Variants in CFAP57 observed in about 807,000 individuals in gnomAD.
CFAP57 encodes cilia- and flagella-associated protein 57.
In CFAP57, 116 loss-of-function variants were observed where a neutral mutation model predicts 146.8. The observed-to-expected ratio is 0.79, with a 90% CI of 0.68 to 0.92. CFAP57 has a LOEUF of 0.92. Among genes scored for constraint, CFAP57 ranks in the 40% least tolerant of loss-of-function variants. The pLI is 0.00. For synonymous variants in CFAP57, 518 were observed against 552.8 expected (o/e 0.94, Z 0.88); for missense variants, 1,377 against 1,527.2 (o/e 0.90, Z 1.64).
At chr1:43,229,431 G>C (rs1369993185) in intron 18 of CFAP57, among the ~76,000 whole-genome samples, 1 of 148,474 alleles carries the variant, frequency 6.7e-6, no homozygotes, top group African/African-American at 2.5e-5. Context: ...GGTGCTTCTG[G>C]GAGCCTCTGA....
chr1:43,227,376 C>T lies in CFAP57; in HGVS notation c.3009+250C>T, dbSNP rs72637945. 2.3e-4 allele frequency among the ~76,000 whole-genome samples: 35 copies of T among 152,334 alleles called. No homozygotes were observed. The East Asian group carries it at 5.0e-3, about 22-fold the overall frequency. On this transcript the variant is annotated intron_variant, in intron 18 of 22. Coordinates refer to ENST00000372492, the MANE Select transcript of CFAP57 (RefSeq NM_001378189.1). ...CCTGGAGATGGGCTTTGGCCCTACC[C>T]GTGCCTCAGTGTGCGGTGTACTGTG...
At position 43,209,842 on chromosome 1, in the gene CFAP57, C is replaced by T. The variant is rs145112957; in HGVS notation, c.1855C>T (p.Arg619Cys). The change falls in exon 11 of 23, where the codon CGT (arginine) becomes TGT (cysteine). Residue 619 changes from arginine (R) to cysteine (C), a missense_variant. Physicochemically the swap from Arg to Cys is radical, Grantham distance 180. Coordinates refer to ENST00000372492, the MANE Select transcript of CFAP57 (RefSeq NM_001378189.1). ...TGTGGGCACCTCGGTGGGAACCATT[C>T]GTGCCATGAAGTACCCTCTGCCTCT... The part of the protein sequence containing the change: ...MFVGTSVGTI[R>C]AMKYPLPLQK... 3,778 of 1,614,138 alleles carry T rather than the reference C, an allele frequency of 2.3e-3. 5 individuals carry two copies. Among genetic ancestry groups the T allele is most frequent in the Non-Finnish European group, 2.8e-3 (3,314 of 1,180,036 alleles).
chr1:43,190,679 A>G (rs1643461178), intron 6 of CFAP57, among the ~76,000 whole-genome samples: 1 of 150,574 alleles, frequency 6.6e-6, no homozygotes, highest in South Asian at 2.1e-4. Flanking sequence ...GAATGTTTTT[A>G]TCATGAACGG....
At chr1:43,233,674 C>G (rs563212385) in intron 19 of CFAP57, among the ~76,000 whole-genome samples, 1 of 151,974 alleles carries the variant, frequency 6.6e-6, no homozygotes. Context: ...AGGTAGAAAA[C>G]GATGGAACAT....
chr1:43,204,452 T>C (rs1644273171), intron 9 of CFAP57, among the ~76,000 whole-genome samples: 1 of 152,194 alleles, frequency 6.6e-6, no homozygotes, highest in Admixed American at 6.5e-5. Flanking sequence ...CTGAATATTT[T>C]AGACAATATA....
rs1171472825 is a variant in CFAP57 at position 43,224,030 on chromosome 1, C to T, written c.2707-16C>T. 1.9e-6 allele frequency: 3 copies of T among 1,550,068 alleles called. No homozygotes were observed. The highest frequency in any genetic ancestry group is 1.7e-6 in the Non-Finnish European group (2 of 1,146,700). ...CTGACTTTAGTGGTCTTTGTTGTTG[C>T]TGTTCGCTTTTCTAGTTCAGCAGCC... On this transcript the variant is annotated splice_polypyrimidine_tract_variant and intron_variant, in intron 16 of 22. Coordinates refer to ENST00000372492, the MANE Select transcript of CFAP57 (RefSeq NM_001378189.1).
At chr1:43,174,821 C>T (rs1023853902) in intron 2 of CFAP57, among the ~76,000 whole-genome samples, 1 of 151,972 alleles carries the variant, frequency 6.6e-6, no homozygotes, top group African/African-American at 2.4e-5. Flanking sequence ...GTCTCAAAAA[C>T]AAAAATAAAA....
At position 43,172,471 on chromosome 1, in the gene CFAP57, G is replaced by A; in HGVS notation, c.-20+18G>A. ...AACGAAAGGTGGGAGGGGGTACCTG[G>A]GGGTCGCCAGAAGGAGCTGGTAGCA... On this transcript the variant is annotated intron_variant, in intron 1 of 22. Transcript: ENST00000372492. 6.5e-7 allele frequency: 1 copy of A among 1,542,100 alleles called. No individual in the cohort carries two copies. The highest frequency in any genetic ancestry group is 8.8e-7 in the Non-Finnish European group (1 of 1,142,188).
Position 43,207,163 on chromosome 1 carries a change from C to G in CFAP57, c.1755+231C>G, listed in dbSNP as rs543605501. 3.3e-5 allele frequency among the ~76,000 whole-genome samples: 5 copies of G among 152,280 alleles called. No individual in the cohort carries two copies. The South Asian group carries it at 1.0e-3, about 32-fold the overall frequency. On this transcript the variant is annotated intron_variant, in intron 10 of 22. Coordinates refer to ENST00000372492, the MANE Select transcript of CFAP57 (RefSeq NM_001378189.1). ...GGGTGAAATTGTAAATTGCGGGGCTCTTTTTCATTTCCCTTTTACTTGCTG... is the reference window on the plus strand; with the variant it reads ...GGGTGAAATTGTAAATTGCGGGGCTGTTTTTCATTTCCCTTTTACTTGCTG...
intron 13 of CFAP57, chr1:43,219,747 C>T (rs181472922): frequency 8.3e-5 from 40 of 484,020 alleles, no homozygotes; most frequent in Admixed American, 3.2e-4. Context: ...GAGGCCAAGG[C>T]GGGCAGACCA....
Position 43,232,601 on chromosome 1 carries a change from G to C in CFAP57, c.3103G>C (p.Glu1035Gln). 1 of 1,546,292 alleles carries C rather than the reference G, an allele frequency of 6.5e-7. No individual in the cohort carries two copies. The highest frequency in any genetic ancestry group is 2.4e-5 in the East Asian group (1 of 40,846). Residue 1035 changes from glutamate (E) to glutamine (Q), a missense_variant, in exon 19 of 23, where the codon GAG (glutamate) becomes CAG (glutamine). Transcript: ENST00000372492. ...LWQKLRATDQEMRRERQKERD... is the reference protein window; with the variant it reads ...LWQKLRATDQQMRRERQKERD... ...GCAGAAACTGAGAGCCACCGATCAGGAGATGCGCAGAGAGAGACAGAAGGT... is the reference window on the plus strand; with the variant it reads ...GCAGAAACTGAGAGCCACCGATCAGCAGATGCGCAGAGAGAGACAGAAGGT...
At chr1:43,226,419 T>C (rs900415293) in intron 17 of CFAP57, among the ~76,000 whole-genome samples, 15 of 152,116 alleles carry the variant, frequency 9.9e-5, no homozygotes, top group Non-Finnish European at 1.5e-5. Flanking sequence ...GCTGGGTCTT[T>C]TGATCAGAGC....
intron 21 of CFAP57, among the ~76,000 whole-genome samples, chr1:43,237,636 C>G (rs979869038): frequency 2.6e-5 from 4 of 152,094 alleles, no homozygotes; most frequent in Non-Finnish European, 5.9e-5. Context: ...AGAGGTTGAT[C>G]GTGGAACAAG....
rs1570211014 is a variant in CFAP57, at chr1:43,222,813, C to T, written c.2533-11C>T. On this transcript the variant is annotated splice_polypyrimidine_tract_variant and intron_variant, in intron 15 of 22. Coordinates refer to ENST00000372492, the MANE Select transcript of CFAP57 (RefSeq NM_001378189.1). ...TCTCCCCTGACCACACGCCCACTCT[C>T]TCTGAGCCAGGCACAGGAAGACGTC... The T allele has an allele frequency of 6.5e-7, 1 of 1,532,544 alleles. No homozygotes were observed. The highest frequency in any genetic ancestry group is 8.8e-7 in the Non-Finnish European group (1 of 1,137,964). The allele number at this position is 1,532,544 out of a possible 1,614,324, so 94.9% of individuals were successfully genotyped here.
chr1:43,218,185 G>T (rs1644910760), intron 12 of CFAP57, among the ~76,000 whole-genome samples: 1 of 152,174 alleles, frequency 6.6e-6, no homozygotes, highest in Admixed American at 6.5e-5. Flanking sequence ...GTCCCCATAG[G>T]TAAGCAAGAA....
At chr1:43,188,712 G>A (rs1569913940) in intron 6 of CFAP57, among the ~76,000 whole-genome samples, 1 of 151,456 alleles carries the variant, frequency 6.6e-6, no homozygotes, top group East Asian at 1.9e-4. Flanking sequence ...CCCATTCTGT[G>A]GGTTGTCTTT....
intron 14 of CFAP57, 31 bp from the exon 15 acceptor site, chr1:43,222,074 C>A: frequency 6.6e-7 from 1 of 1,518,582 alleles, no homozygotes; most frequent in Non-Finnish European, 8.8e-7. Context: ...GCTGCTCTCC[C>A]ACCTTAAATA....
rs754519527 is a variant in CFAP57, at chr1:43,222,862, A to G, written c.2571A>G (p.Glu857=). ...EDVRQQLREF[E]ETKKQIEEDE... Reference sequence around the variant, plus strand: ...TCAGGCAGCAGCTGCGGGAGTTTGAAGAGACCAAGAAGCAGATTGAGGAAG... The same window carrying G: ...TCAGGCAGCAGCTGCGGGAGTTTGAGGAGACCAAGAAGCAGATTGAGGAAG... Residue 857 remains glutamate (E), a synonymous_variant, in exon 16 of 23, where the codon GAA becomes GAG. Coordinates refer to ENST00000372492, the MANE Select transcript of CFAP57 (RefSeq NM_001378189.1). The G allele has an allele frequency of 9.0e-6, 14 of 1,549,604 alleles. No homozygotes were observed. The East Asian group carries it at 2.4e-4, about 27-fold the overall frequency.
intron 2 of CFAP57, among the ~76,000 whole-genome samples, chr1:43,176,181 C>T (rs1645164814): frequency 6.6e-6 from 1 of 152,062 alleles, no homozygotes; most frequent in African/African-American, 2.4e-5. Flanking sequence ...GGAAGAAACC[C>T]CCAATGTTGG....
Sources: allele counts gnomAD v4.1 joint callset (sites outside exome capture counted in the v4.1 genomes callset), GRCh38; gene constraint gnomAD v4.1.1; transcripts MANE v1.5; gene names NCBI Gene and HGNC (gene_info 2026-07-23, HGNC 2026-07-21).